CPED1: variants seen among roughly 807,000 people sequenced by gnomAD.
The protein encoded by CPED1 is cadherin-like and PC-esterase domain-containing protein 1.
CPED1 carries 114 observed loss-of-function variants against 128.2 expected under a neutral mutation model. The observed-to-expected ratio is 0.89, with a 90% CI of 0.76 to 1.04. CPED1 has a LOEUF of 1.04. CPED1 is among the 50% of genes least tolerant of loss of function. CPED1 has a pLI of 0.00. For synonymous variants in CPED1, 462 were observed against 426.7 expected, an observed-to-expected ratio of 1.08 and a Z score of -1.02; for missense variants, 1,211 against 1,207.1, an observed-to-expected ratio of 1.00 and a Z score of -0.05.
At chr7:121,228,586 C>CAAAA (rs3068082) in intron 16 of CPED1, among the ~76,000 whole-genome samples, 46 of 142,846 alleles carry the variant, frequency 3.2e-4, no homozygotes, top group African/African-American at 1.1e-3. Flanking sequence ...GGAGATTTCT[C>CAAAA]AAAAAAAAAA....
chr7:121,190,681 A>G (rs921916372), intron 16 of CPED1, among the ~76,000 whole-genome samples: 1 of 152,108 alleles, frequency 6.6e-6, no homozygotes, highest in African/African-American at 2.4e-5. Context: ...TAAAGAAAGA[A>G]ATAATTTTTA....
chr7:121,015,517 C>A, intron 2 of CPED1, 148 bp from the exon 3 acceptor site: 4 of 661,244 alleles, frequency 6.0e-6, no homozygotes, highest in Non-Finnish European at 1.0e-5. Flanking sequence ...CATCTTTGTC[C>A]TTGTCAGCCT....
intron 7 of CPED1, among the ~76,000 whole-genome samples, chr7:121,110,699 T>C (rs1563029318): frequency 1.3e-5 from 2 of 152,074 alleles, no homozygotes; most frequent in Non-Finnish European, 2.9e-5. Flanking sequence ...GGTAAGAAAT[T>C]GAATTTTTTC....
rs192349235 is a variant in CPED1, at chr7:121,044,929, C to G, written c.434-1958C>G. On this transcript the variant is annotated intron_variant, in intron 3 of 22. Coordinates refer to ENST00000310396, the MANE Select transcript of CPED1 (RefSeq NM_024913.5). ...GAAATCCCTCTGTGCATATCCTTAT[C>G]TTCTTAAAATATTTAGTTGGGAATC... Among the ~76,000 whole-genome samples, 174 of 152,142 alleles carry G rather than the reference C, an allele frequency of 1.1e-3. 1 individual carries two copies. Among genetic ancestry groups the G allele is most frequent in the Non-Finnish European group, 2.1e-3 (140 of 68,004 alleles).
chr7:121,271,543 T>C lies in CPED1; in HGVS notation c.2868+113T>C. 3 of 1,074,040 alleles carry C rather than the reference T, an allele frequency of 2.8e-6. No individual in the cohort carries two copies. The South Asian group carries it at 4.7e-5, about 17-fold the overall frequency. 66.5% of individuals were successfully genotyped at this position (1,074,040 alleles called of 1,614,324 possible). A position where few individuals can be genotyped will look rare whatever the true frequency, so the allele number is the denominator to read the frequency against. ...GCATGAAACAAAAAACAATGTCAGG[T>C]GGAGATTAAATGATATATGTTCATC... On this transcript the variant is annotated intron_variant, in intron 22 of 22. Coordinates refer to ENST00000310396, the MANE Select transcript of CPED1 (RefSeq NM_024913.5).
chr7:121,015,721 C>T lies in CPED1; in HGVS notation c.306C>T (p.Tyr102=). The change falls in exon 3 of 23, where the codon TAC becomes TAT. Residue 102 remains tyrosine, a synonymous_variant. Transcript: ENST00000310396. ...FGSHGRRAIL[Y]RPPFYSKTEL... Reference sequence around the variant, plus strand: ...GCCATGGCCGAAGGGCCATACTCTACAGGCCTCCTTTCTACAGCAAAACAG... The same window carrying T: ...GCCATGGCCGAAGGGCCATACTCTATAGGCCTCCTTTCTACAGCAAAACAG... 6.2e-7 allele frequency: 1 copy of T among 1,612,016 alleles called. No individual in the cohort carries two copies. The highest frequency in any genetic ancestry group is 8.5e-7 in the Non-Finnish European group (1 of 1,179,324).
chr7:121,260,079 AATG>A (rs2116731832), intron 18 of CPED1, among the ~76,000 whole-genome samples: 1 of 151,816 alleles, frequency 6.6e-6, no homozygotes, highest in South Asian at 2.1e-4. Flanking sequence ...CTTACCAGGA[AATG>A]ATGACTTACA....
chr7:121,258,808 A>T (rs1789537602), intron 18 of CPED1, among the ~76,000 whole-genome samples: 1 of 152,072 alleles, frequency 6.6e-6, no homozygotes, highest in African/African-American at 2.4e-5. Context: ...GTAAAATTCG[A>T]ATTTTTAACA....
intron 16 of CPED1, among the ~76,000 whole-genome samples, chr7:121,226,060 C>A (rs1319837701): frequency 2.0e-5 from 3 of 152,116 alleles, no homozygotes; most frequent in Non-Finnish European, 4.4e-5. Context: ...AGAAGAGGTG[C>A]TCTGGTTTTT....
At chr7:121,019,256 T>A (rs1028209234) in intron 3 of CPED1, among the ~76,000 whole-genome samples, 1 of 152,062 alleles carries the variant, frequency 6.6e-6, no homozygotes, top group Non-Finnish European at 1.5e-5. Context: ...TATGAACATA[T>A]GACTTACGCA....
At chr7:121,094,894 G>A (rs773169409) in intron 5 of CPED1, among the ~76,000 whole-genome samples, 1 of 152,108 alleles carries the variant, frequency 6.6e-6, no homozygotes, top group Non-Finnish European at 1.5e-5. Flanking sequence ...AAAGTTACAG[G>A]CTTCAGGGCT....
intron 3 of CPED1, among the ~76,000 whole-genome samples, chr7:121,042,311 G>A (rs1793079625): frequency 6.6e-6 from 1 of 152,080 alleles, no homozygotes; most frequent in South Asian, 2.1e-4. Context: ...ACTCAGGTGA[G>A]GGTCTAGGGA....
In CPED1 at chr7:121,247,162, A is replaced by C. The variant is rs945918561; in HGVS notation, c.2310+2824A>C. 2.6e-5 allele frequency among the ~76,000 whole-genome samples: 4 copies of C among 152,352 alleles called. No individual in the cohort carries two copies. In the East Asian group the frequency reaches 7.7e-4, roughly 29 times the overall value. On this transcript the variant is annotated intron_variant, in intron 18 of 22. Transcript: ENST00000310396. The stretch of plus-strand genomic sequence containing the variant: ...GTGTAATGGGAAAATTCCAACATGC[A>C]TAATTGAGGAGGCAAAGCAATTATA...
chr7:121,086,258 TG>T (rs1794424520), intron 5 of CPED1, among the ~76,000 whole-genome samples: 1 of 152,166 alleles, frequency 6.6e-6, no homozygotes, highest in African/African-American at 2.4e-5. Flanking sequence ...ACCCACAAAA[TG>T]ATATCTAAAT....
chr7:121,195,879 C>T lies in CPED1; in HGVS notation c.2056-40835C>T, dbSNP rs563571453. On this transcript the variant is annotated intron_variant, in intron 16 of 22. Transcript: ENST00000310396. ...TTCCTATGAGTGTGCTGTAAATTGG[C>T]CTTGGAGAAATAGGGGTTTTCTTGA... Among the ~76,000 whole-genome samples the T allele has an allele frequency of 2.9e-4, 44 of 152,112 alleles. No individual in the cohort carries two copies. In the South Asian group the frequency reaches 7.9e-3, roughly 27 times the overall value.
chr7:121,271,426 A>C lies in CPED1; in HGVS notation c.2864A>C (p.His955Pro). 1 of 1,612,266 alleles carries C rather than the reference A, an allele frequency of 6.2e-7. No individual in the cohort carries two copies. The highest frequency in any genetic ancestry group is 8.5e-7 in the Non-Finnish European group (1 of 1,178,932). ...CAGGGGAAGTGTGGATGTCATTTCC[A>C]TGAGGTATTTATGCTGGCTATCTGA... ...FLQGKCGCHF[H>P]EVVKSKLSKE... Residue 955 changes from histidine to proline, a missense_variant, in exon 22 of 23, where the codon CAT (histidine) becomes CCT (proline). Transcript: ENST00000310396.
At chr7:121,200,649 T>A (rs895267141) in intron 16 of CPED1, among the ~76,000 whole-genome samples, 1 of 152,046 alleles carries the variant, frequency 6.6e-6, no homozygotes, top group Non-Finnish European at 1.5e-5. Context: ...AATTTTAAAG[T>A]TTTTTTAAAA....
intron 18 of CPED1, chr7:121,261,952 C>T (rs575082615): frequency 6.9e-4 from 307 of 442,114 alleles, no homozygotes; most frequent in Non-Finnish European, 1.1e-3. Flanking sequence ...TCCTCCAAGT[C>T]TCATGTTGAA....
chr7:121,138,353 T>G (rs1795827486), intron 14 of CPED1, among the ~76,000 whole-genome samples: 2 of 152,044 alleles, frequency 1.3e-5, no homozygotes, highest in South Asian at 4.1e-4. Flanking sequence ...TCAGGTAAGC[T>G]GGCCTGAGAC....
Sources: allele counts gnomAD v4.1 joint callset (sites outside exome capture counted in the v4.1 genomes callset), GRCh38; gene constraint gnomAD v4.1.1; transcripts MANE v1.5; gene names NCBI Gene and HGNC (gene_info 2026-07-23, HGNC 2026-07-21).